EPHA6: variants seen among roughly 807,000 people sequenced by gnomAD.
The protein encoded by EPHA6 is ephrin type-A receptor 6.
Under a neutral mutation model 112.0 loss-of-function variants are expected in EPHA6, and 50 were observed. The observed-to-expected ratio is 0.45, with a 90% CI of 0.36 to 0.56. The LOEUF is 0.56. Ranked by LOEUF, EPHA6 falls within the 20% of genes least tolerant of loss-of-function variation. The pLI, the probability that EPHA6 is intolerant of heterozygous loss-of-function variation, is 0.00. For missense variants in EPHA6, 1,280 were observed against 1,417.4 expected, an observed-to-expected ratio of 0.90 and a Z score of 1.56; for synonymous variants, 529 against 490.7, an observed-to-expected ratio of 1.08 and a Z score of -1.03.
chr3:97,020,338 T>A (rs2044412840), intron 3 of EPHA6, among the ~76,000 whole-genome samples: 1 of 152,300 alleles, frequency 6.6e-6, no homozygotes, highest in East Asian at 1.9e-4. Flanking sequence ...GAATAATGCA[T>A]GCAGAAATTT....
chr3:97,117,727 T>C (rs2047931811), intron 3 of EPHA6, among the ~76,000 whole-genome samples: 1 of 151,754 alleles, frequency 6.6e-6, no homozygotes, highest in Non-Finnish European at 1.5e-5. Flanking sequence ...TATCTTTGAA[T>C]CAAGATTGTG....
intron 13 of EPHA6, among the ~76,000 whole-genome samples, chr3:97,630,132 G>T (rs554762839): frequency 5.3e-5 from 8 of 151,444 alleles, no homozygotes; most frequent in Non-Finnish European, 1.0e-4. Flanking sequence ...TAGGTTTTTA[G>T]GTGTATTAGA....
chr3:96,941,796 T>G (rs1436402133), intron 2 of EPHA6, among the ~76,000 whole-genome samples: 1 of 152,194 alleles, frequency 6.6e-6, no homozygotes, highest in Non-Finnish European at 1.5e-5. Context: ...TCCTTTCTGT[T>G]TGTTAGTTTT....
intron 3 of EPHA6, among the ~76,000 whole-genome samples, chr3:97,205,991 T>G (rs373674719): frequency 6.6e-6 from 1 of 152,136 alleles, no homozygotes; most frequent in Non-Finnish European, 1.5e-5. Flanking sequence ...AGGATTTGAA[T>G]GTAAGGCTTC....
intron 5 of EPHA6, among the ~76,000 whole-genome samples, chr3:97,336,571 T>C (rs966316479): frequency 5.3e-5 from 8 of 152,210 alleles, no homozygotes; most frequent in African/African-American, 1.7e-4. Context: ...TGTATGCCTA[T>C]ATAAATTATT....
At chr3:97,614,722 C>T (rs76976228) in intron 13 of EPHA6, among the ~76,000 whole-genome samples, 1,981 of 151,874 alleles carry the variant, frequency 0.013, 44 homozygotes, top group African/African-American at 0.045. Context: ...AACCAAAAAT[C>T]TAGGAGAAAT....
intron 2 of EPHA6, among the ~76,000 whole-genome samples, chr3:96,930,637 C>G (rs547019441): frequency 1.3e-5 from 2 of 151,964 alleles, no homozygotes; most frequent in Non-Finnish European, 2.9e-5. Flanking sequence ...AGGAGGTGGC[C>G]GGAGACCCGA....
intron 10 of EPHA6, among the ~76,000 whole-genome samples, chr3:97,501,322 C>T (rs1466536138): frequency 6.6e-6 from 1 of 151,254 alleles, no homozygotes; most frequent in Non-Finnish European, 1.5e-5. Context: ...AAAATTCTAT[C>T]TTATGAATAT....
chr3:96,845,612 T>G (rs2035026202), intron 1 of EPHA6, among the ~76,000 whole-genome samples: 1 of 152,184 alleles, frequency 6.6e-6, no homozygotes, highest in African/African-American at 2.4e-5. Context: ...TGATGTATTT[T>G]TAATCTTTAC....
At chr3:97,253,850 A>G (rs1465495763) in intron 5 of EPHA6, among the ~76,000 whole-genome samples, 1 of 152,026 alleles carries the variant, frequency 6.6e-6, no homozygotes, top group Non-Finnish European at 1.5e-5. Context: ...TCTATCTATG[A>G]GTTGTTCAGA....
At position 96,968,761 on chromosome 3, in the gene EPHA6, C is replaced by T. The variant is rs951878840; in HGVS notation, c.451-18569C>T. Reference sequence around the variant, plus strand: ...TGCAATATTCAGGGATAGATTTTTTCCTTGAAGTTTGCTAAGCGAATGACT... The same window carrying T: ...TGCAATATTCAGGGATAGATTTTTTTCTTGAAGTTTGCTAAGCGAATGACT... On this transcript the variant is annotated intron_variant, in intron 2 of 17. Coordinates refer to ENST00000389672, the MANE Select transcript of EPHA6 (RefSeq NM_001080448.3). 2.6e-5 allele frequency among the ~76,000 whole-genome samples: 4 copies of T among 151,886 alleles called. No individual in the cohort carries two copies. In the East Asian group the frequency reaches 7.7e-4, roughly 29 times the overall value.
chr3:96,872,407 G>A (rs2036678237), intron 2 of EPHA6, among the ~76,000 whole-genome samples: 1 of 152,030 alleles, frequency 6.6e-6, no homozygotes, highest in Non-Finnish European at 1.5e-5. Flanking sequence ...TTCCAAAGTT[G>A]CTGTCTCCTC....
At chr3:97,545,239 T>C (rs1028613295) in intron 11 of EPHA6, among the ~76,000 whole-genome samples, 1 of 152,198 alleles carries the variant, frequency 6.6e-6, no homozygotes, top group African/African-American at 2.4e-5. Context: ...GCTTTGAATG[T>C]GTCCCAGAGA....
intron 14 of EPHA6, among the ~76,000 whole-genome samples, chr3:97,700,949 T>C (rs1022473848): frequency 1.3e-5 from 2 of 152,028 alleles, no homozygotes; most frequent in Non-Finnish European, 2.9e-5. Flanking sequence ...AATAGAATAT[T>C]AGGCAACTCC....
At chr3:97,098,985 A>T (rs2047326807) in intron 3 of EPHA6, among the ~76,000 whole-genome samples, 1 of 151,986 alleles carries the variant, frequency 6.6e-6, no homozygotes, top group Admixed American at 6.6e-5. Flanking sequence ...GCAATTAAGC[A>T]TGTAACAGTG....
At chr3:96,987,252 A>C (rs2043055922) in intron 2 of EPHA6, 78 bp from the exon 3 acceptor site, 1 of 1,270,690 alleles carries the variant, frequency 7.9e-7, no homozygotes. Context: ...TTGGTAAAAC[A>C]AAAAAAATTG....
intron 3 of EPHA6, among the ~76,000 whole-genome samples, chr3:97,056,354 T>C (rs2045852553): frequency 6.6e-6 from 1 of 152,212 alleles, no homozygotes; most frequent in African/African-American, 2.4e-5. Context: ...TTGACATCCT[T>C]ACATACTTGG....
At chr3:97,428,390 A>T (rs2089295202) in intron 6 of EPHA6, among the ~76,000 whole-genome samples, 1 of 152,192 alleles carries the variant, frequency 6.6e-6, no homozygotes, top group Admixed American at 6.5e-5. Flanking sequence ...ATATTAATGT[A>T]CAATATTGCT....
At chr3:97,496,568 C>A (rs1389707567) in intron 10 of EPHA6, among the ~76,000 whole-genome samples, 2 of 152,090 alleles carry the variant, frequency 1.3e-5, no homozygotes, top group Non-Finnish European at 2.9e-5. Flanking sequence ...ATTTATGAAG[C>A]CATACTTCTA....
Sources: gnomAD v4.1 joint callset for allele counts (sites outside exome capture counted in the v4.1 genomes callset) on GRCh38, gnomAD v4.1.1 for gene constraint, MANE v1.5 for transcripts, NCBI Gene and HGNC (gene_info 2026-07-23, HGNC 2026-07-21) for gene names.